The following RPS6KA2 variants were observed in gnomAD, a reference collection of about 807,000 sequenced individuals.
The protein encoded by RPS6KA2 is ribosomal protein S6 kinase alpha-2.
RPS6KA2 carries 42 observed loss-of-function variants against 91.8 expected under a neutral mutation model. That is an observed-to-expected ratio of 0.46 (90% CI 0.36 to 0.59). The LOEUF is 0.59. RPS6KA2 is among the 20% of genes least tolerant of loss of function. RPS6KA2 has a pLI of 0.00. For synonymous variants in RPS6KA2, 414 were observed against 393.6 expected (o/e 1.05, Z -0.61); for missense variants, 798 against 978.5 (o/e 0.82, Z 2.46).
intron 10 of RPS6KA2, among the ~76,000 whole-genome samples, chr6:166,473,713 G>A (rs1174550099): frequency 6.6e-6 from 1 of 152,036 alleles, no homozygotes; most frequent in South Asian, 2.1e-4. Context: ...TTTCATTTTT[G>A]TTGTTTGAGA....
chr6:166,651,723 T>C (rs952596294), intron 2 of RPS6KA2, among the ~76,000 whole-genome samples: 1 of 152,274 alleles, frequency 6.6e-6, no homozygotes, highest in African/African-American at 2.4e-5. Context: ...CTGATGACGA[T>C]GGTGTTTATG....
chr6:166,459,362 G>T lies in RPS6KA2; in HGVS notation c.1075+87C>A. 2 of 767,814 alleles carry T rather than the reference G, an allele frequency of 2.6e-6. No individual in the cohort carries two copies. The highest frequency in any genetic ancestry group is 2.2e-6 in the Non-Finnish European group (1 of 459,174). The allele number at this position is 767,814 out of a possible 1,614,324, so 47.6% of individuals were successfully genotyped here. On this transcript the variant is annotated intron_variant, in intron 12 of 20. Transcript: ENST00000265678. The surrounding 1 kb of genome is among the most constrained non-coding windows in gnomAD (Gnocchi z 4.9). Reference sequence around the variant, plus strand: ...TATTTTCCATGAAAAGAATTCTGAGGCATGGGAATTTCTTGTTCCTAGATA... The same window carrying T: ...TATTTTCCATGAAAAGAATTCTGAGTCATGGGAATTTCTTGTTCCTAGATA...
At chr6:166,834,830 ATTATTTAT>A (rs34377390) in intron 2 of RPS6KA2, among the ~76,000 whole-genome samples, 39 of 65,642 alleles carry the variant, frequency 5.9e-4, no homozygotes, top group East Asian at 4.6e-3. Flanking sequence ...ATGGCGTCCT[ATTATTTAT>A]TTATTTATTT....
At chr6:166,756,134 C>CA (rs1445361347) in intron 2 of RPS6KA2, among the ~76,000 whole-genome samples, 2 of 151,946 alleles carry the variant, frequency 1.3e-5, no homozygotes, top group African/African-American at 4.8e-5. Context: ...ACTAAAAATA[C>CA]AAAAAATTAG....
At chr6:166,698,390 C>T (rs991199460) in intron 2 of RPS6KA2, among the ~76,000 whole-genome samples, 3 of 152,128 alleles carry the variant, frequency 2.0e-5, no homozygotes, top group African/African-American at 7.2e-5. Flanking sequence ...GAATGCTGGC[C>T]AGTGGAAGTC....
At chr6:166,417,620 T>TACACAC (rs10568123) in intron 19 of RPS6KA2, among the ~76,000 whole-genome samples, 2,178 of 148,568 alleles carry the variant, frequency 0.015, 62 homozygotes, top group African/African-American at 0.051. Flanking sequence ...TCTCTCTCTA[T>TACACAC]ACACACACAC....
intron 2 of RPS6KA2, among the ~76,000 whole-genome samples, chr6:166,696,992 G>A (rs901928503): frequency 6.6e-6 from 1 of 151,952 alleles, no homozygotes; most frequent in Non-Finnish European, 1.5e-5. Flanking sequence ...ACAGATCTTT[G>A]GACTTGTCTG....
At chr6:166,798,174 T>C (rs1248758867) in intron 2 of RPS6KA2, among the ~76,000 whole-genome samples, 2 of 152,336 alleles carry the variant, frequency 1.3e-5, no homozygotes, top group Admixed American at 1.3e-4. Flanking sequence ...CTGTAGCTAT[T>C]GAACAATGGA....
intron 1 of RPS6KA2, among the ~76,000 whole-genome samples, chr6:166,582,542 G>C (rs781651476): frequency 6.6e-6 from 1 of 152,200 alleles, no homozygotes; most frequent in Non-Finnish European, 1.5e-5. Flanking sequence ...GGAGCTCTGA[G>C]AGATTTTTCA....
intron 1 of RPS6KA2, among the ~76,000 whole-genome samples, chr6:166,595,825 C>G (rs118162777): frequency 0.017 from 2,543 of 152,302 alleles, 41 homozygotes; most frequent in Middle Eastern, 0.058. Flanking sequence ...GGAAAACTCC[C>G]TTCAATGTAT....
intron 5 of RPS6KA2, among the ~76,000 whole-genome samples, chr6:166,507,861 A>G (rs990958118): frequency 1.4e-4 from 20 of 145,818 alleles, no homozygotes; most frequent in Middle Eastern, 7.3e-3. Context: ...CCATGCACAC[A>G]CAACCCCAAA....
At chr6:166,546,206 G>A (rs980505491) in intron 1 of RPS6KA2, among the ~76,000 whole-genome samples, 1 of 152,160 alleles carries the variant, frequency 6.6e-6, no homozygotes, top group Non-Finnish European at 1.5e-5. Flanking sequence ...AGATGCACAG[G>A]AACGATCTCC....
At chr6:166,752,267 T>C (rs933746442) in intron 2 of RPS6KA2, among the ~76,000 whole-genome samples, 4 of 152,054 alleles carry the variant, frequency 2.6e-5, no homozygotes, top group African/African-American at 9.7e-5. Context: ...TCACACAGAG[T>C]GAACAGCCTC....
At chr6:166,851,786 C>A (rs1316248457) in intron 2 of RPS6KA2, among the ~76,000 whole-genome samples, 1 of 152,212 alleles carries the variant, frequency 6.6e-6, no homozygotes, top group Non-Finnish European at 1.5e-5. Flanking sequence ...CTGAAAAGAG[C>A]TATACACTGT....
At chr6:166,836,335 G>A (rs1780315600) in intron 2 of RPS6KA2, among the ~76,000 whole-genome samples, 1 of 152,034 alleles carries the variant, frequency 6.6e-6, no homozygotes, top group South Asian at 2.1e-4. Context: ...TTCCTTAAAT[G>A]TTCGATAGAA....
In RPS6KA2 at chr6:166,531,257, C is replaced by A. The variant is rs1783264820; in HGVS notation, c.273G>T (p.Lys91Asn). The A allele has an allele frequency of 6.2e-7, 1 of 1,613,982 alleles. No individual in the cohort carries two copies. Among genetic ancestry groups the A allele is most frequent in the Non-Finnish European group, 8.5e-7 (1 of 1,179,988 alleles). Residue 91 changes from lysine (K) to asparagine (N), a missense_variant, in exon 3 of 21, where the codon AAG (lysine) becomes AAT (asparagine). Physicochemically the swap from Lys to Asn is moderately conservative, Grantham distance 94. Transcript: ENST00000265678. ...CTTTTAGGGTGGCTTTCTTAAGGAC[C>A]TTCATGGCGTAGAGCTGCCCAGCGT... ...GSDAGQLYAM[K>N]VLKKATLKVR...
In RPS6KA2 at chr6:166,430,663, G is replaced by C. The variant is rs373629794; in HGVS notation, c.1423-52C>G. The stretch of plus-strand genomic sequence containing the variant: ...GTCACCACGGCTGGTTGCTGTGAAA[G>C]AGCAACTACTCCAGAGGGGACAGGA... On this transcript the variant is annotated intron_variant, in intron 15 of 20. Coordinates refer to ENST00000265678, the MANE Select transcript of RPS6KA2 (RefSeq NM_021135.6). The C allele has an allele frequency of 2.1e-5, 33 of 1,561,764 alleles. No individual in the cohort carries two copies. In the African/African-American group the frequency reaches 4.1e-4, roughly 19 times the overall value.
At chr6:166,570,231 C>T (rs561873931) in intron 1 of RPS6KA2, among the ~76,000 whole-genome samples, 7 of 152,264 alleles carry the variant, frequency 4.6e-5, no homozygotes, top group East Asian at 3.9e-4. Context: ...TCCAGACCCT[C>T]GGGGAGCAGC....
intron 17 of RPS6KA2, among the ~76,000 whole-genome samples, chr6:166,422,588 A>C (rs1470406132): frequency 1.3e-5 from 2 of 152,202 alleles, no homozygotes; most frequent in Non-Finnish European, 2.9e-5. Context: ...TCTCAAAGGC[A>C]AGAAATTGGG....
Sources: allele counts gnomAD v4.1 joint callset (sites outside exome capture counted in the v4.1 genomes callset), GRCh38; gene constraint gnomAD v4.1.1; non-coding constraint Gnocchi (gnomAD v3.1); transcripts MANE v1.5; gene names NCBI Gene and HGNC (gene_info 2026-07-23, HGNC 2026-07-21).